Variants in BICRAL observed in about 807,000 individuals in gnomAD.
BICRAL encodes the protein BRD4-interacting chromatin-remodeling complex-associated protein-like.
BICRAL carries 8 observed loss-of-function variants against 91.8 expected under a neutral mutation model. The ratio of observed to expected loss-of-function variants is 0.09; its 90% CI spans 0.05 to 0.16. BICRAL has a LOEUF of 0.16. BICRAL is among the 10% of genes least tolerant of loss of function. BICRAL has a pLI of 1.00. For missense variants in BICRAL, 1,038 were observed against 1,310.9 expected, an observed-to-expected ratio of 0.79 and a Z score of 3.21; for synonymous variants, 445 against 491.1, an observed-to-expected ratio of 0.91 and a Z score of 1.24.
chr6:42,851,360 AAAT>A (rs1019678088), intron 6 of BICRAL, among the ~76,000 whole-genome samples: 30 of 152,236 alleles, frequency 2.0e-4, no homozygotes, highest in Admixed American at 1.5e-3. Context: ...TATGGCAAAA[AAAT>A]AATAATAATA....
At chr6:42,790,272 C>T (rs905737659) in intron 1 of BICRAL, among the ~76,000 whole-genome samples, 1 of 151,908 alleles carries the variant, frequency 6.6e-6, no homozygotes, top group Non-Finnish European at 1.5e-5. Context: ...ATTCCCCCAA[C>T]CTCAGCCTCC....
At chr6:42,754,223 G>A (rs954960200) in intron 1 of BICRAL, among the ~76,000 whole-genome samples, 1 of 151,476 alleles carries the variant, frequency 6.6e-6, no homozygotes, top group African/African-American at 2.4e-5. Context: ...CCAGGCTGGA[G>A]TGTAGTGGCA....
At chr6:42,788,664 T>C (rs570103713) in intron 1 of BICRAL, among the ~76,000 whole-genome samples, 8 of 152,322 alleles carry the variant, frequency 5.3e-5, no homozygotes, top group African/African-American at 1.7e-4. Context: ...CTTAACTTTC[T>C]GACGGCTTCT....
At position 42,793,756 on chromosome 6, in the gene BICRAL, A is replaced by G. The variant is rs902019483; in HGVS notation, c.-102+11655A>G. 3.4e-4 allele frequency among the ~76,000 whole-genome samples: 50 copies of G among 148,034 alleles called. 1 individual carries two copies. Among genetic ancestry groups the G allele is most frequent in the African/African-American group, 1.2e-3 (49 of 40,572 alleles). On this transcript the variant is annotated intron_variant, in intron 1 of 12. Transcript: ENST00000314073. ...GCGCTACTTCTATGCGTAGGCCTCAAGATGACTTTTTTTTTTTTTTTTTTT... is the reference window on the plus strand; with the variant it reads ...GCGCTACTTCTATGCGTAGGCCTCAGGATGACTTTTTTTTTTTTTTTTTTT...
chr6:42,753,699 C>G (rs1179587216), intron 1 of BICRAL, among the ~76,000 whole-genome samples: 1 of 152,108 alleles, frequency 6.6e-6, no homozygotes, highest in African/African-American at 2.4e-5. Flanking sequence ...GCAACCCCCG[C>G]CTCCTGGGTT....
At chr6:42,791,417 TGA>T (rs1289029437) in intron 1 of BICRAL, among the ~76,000 whole-genome samples, 1 of 152,232 alleles carries the variant, frequency 6.6e-6, no homozygotes, top group African/African-American at 2.4e-5. Context: ...TCTGAGAATG[TGA>T]GAGAATAAGA....
chr6:42,819,432 A>T lies in BICRAL; in HGVS notation c.-5-2586A>T, dbSNP rs189818035. On this transcript the variant is annotated intron_variant, in intron 2 of 12. Coordinates refer to ENST00000314073, the MANE Select transcript of BICRAL (RefSeq NM_001393499.1). ...TCCCGAGTAGCTGGGACTACAGGCA[A>T]GTGCCACCATGCCTGGCTAATTTTT... Among the ~76,000 whole-genome samples, 1,081 of 151,978 alleles carry T rather than the reference A, an allele frequency of 7.1e-3. 5 individuals are homozygous for T. Among genetic ancestry groups the T allele is most frequent in the African/African-American group, 0.023 (954 of 41,482 alleles).
Position 42,864,857 on chromosome 6 carries a change from ACAT to A in BICRAL, c.2653_2655del (p.Ile885del), listed in dbSNP as rs747910646. 6.2e-7 allele frequency: 1 copy of A among 1,614,148 alleles called. No individual in the cohort carries two copies. The highest frequency in any genetic ancestry group is 1.1e-5 in the South Asian group (1 of 91,084). On this transcript the variant is annotated inframe_deletion, in exon 13 of 13. Transcript: ENST00000314073. Reference sequence around the variant, plus strand: ...GACCAGTTTCATCTAGTGCCTAATCACATCGTGGTCTCTGCAGAAGGAAACATT... The same window carrying A: ...GACCAGTTTCATCTAGTGCCTAATCACGTGGTCTCTGCAGAAGGAAACATT...
In BICRAL at chr6:42,829,902, T is replaced by C; in HGVS notation, c.1569T>C (p.Pro523=). Residue 523 remains proline (P), a synonymous_variant, in exon 6 of 13, where the codon CCT becomes CCC. Coordinates refer to ENST00000314073, the MANE Select transcript of BICRAL (RefSeq NM_001393499.1). ...PGQSSVSQGR[P]GFATMPSVTS... The stretch of plus-strand genomic sequence containing the variant: ...AGAGCAGCGTTTCCCAAGGAAGACC[T>C]GGCTTCGCCACCATGCCATCGGTGA... 1 of 1,614,244 alleles carries C rather than the reference T, an allele frequency of 6.2e-7. No individual in the cohort carries two copies. Among genetic ancestry groups the C allele is most frequent in the Non-Finnish European group, 8.5e-7 (1 of 1,180,042 alleles).
chr6:42,764,042 G>A (rs547423661), intron 1 of BICRAL, among the ~76,000 whole-genome samples: 99 of 149,800 alleles, frequency 6.6e-4, no homozygotes, highest in Non-Finnish European at 1.1e-3. Flanking sequence ...AGGAGTTCAA[G>A]ACCAGCCTGG....
intron 1 of BICRAL, among the ~76,000 whole-genome samples, chr6:42,750,479 C>T (rs145191913): frequency 6.6e-6 from 1 of 152,188 alleles, no homozygotes; most frequent in Non-Finnish European, 1.5e-5. Context: ...CCTTTTAAGA[C>T]AGCCACATTG....
intron 1 of BICRAL, among the ~76,000 whole-genome samples, chr6:42,798,805 C>T (rs1390965857): frequency 6.6e-6 from 1 of 152,214 alleles, no homozygotes; most frequent in East Asian, 1.9e-4. Flanking sequence ...ATTACTGCTC[C>T]TTGCGGAGCG....
Position 42,763,837 on chromosome 6 carries a change from CAAACAAAAAAA to C in BICRAL, c.-261+16816_-261+16826del, listed in dbSNP as rs1476958023. Among the ~76,000 whole-genome samples the C allele has an allele frequency of 4.2e-5, 6 of 143,634 alleles. No homozygotes were observed. The South Asian group carries it at 1.1e-3, about 26-fold the overall frequency. 94.2% of individuals were successfully genotyped at this position (143,634 alleles called of 152,430 possible). On this transcript the variant is annotated intron_variant, in intron 1 of 14. Coordinates refer to the BICRAL transcript ENST00000614467. ...CTCTGTCTCAGAAAAAAACAAAAAA[CAAACAAAAAAA>C]ACGAGCGTTTTCAAAATGCAGGTAC...
rs750677769 is a variant in BICRAL, at chr6:42,864,836, A to G, written c.2630A>G (p.Gln877Arg). 27 of 1,614,084 alleles carry G rather than the reference A, an allele frequency of 1.7e-5. No individual in the cohort carries two copies. Among genetic ancestry groups the G allele is most frequent in the Non-Finnish European group, 2.3e-5 (27 of 1,180,026 alleles). The change falls in exon 13 of 13, where the codon CAG becomes CGG. Residue 877 changes from glutamine to arginine, a missense_variant. Gln to Arg is a conservative substitution (Grantham distance 43, BLOSUM62 1). Coordinates refer to ENST00000314073, the MANE Select transcript of BICRAL (RefSeq NM_001393499.1). ...GTGACGGAACCCATGAATCATGACC[A>G]GTTTCATCTAGTGCCTAATCACATC... ...TGVTEPMNHD[Q>R]FHLVPNHIVV...
rs189303786 is a variant in BICRAL, at chr6:42,847,682, T to G, written c.1840-4410T>G. Among the ~76,000 whole-genome samples, 11 of 152,238 alleles carry G rather than the reference T, an allele frequency of 7.2e-5. No homozygotes were observed. In the East Asian group the frequency reaches 2.1e-3, roughly 29 times the overall value. On this transcript the variant is annotated intron_variant, in intron 6 of 12. Coordinates refer to ENST00000314073, the MANE Select transcript of BICRAL (RefSeq NM_001393499.1). ...ACTCACACCTGTAATCCCAGCACTTTGGGAGGCCGAGGCAGGTGGATCATG... is the reference window on the plus strand; with the variant it reads ...ACTCACACCTGTAATCCCAGCACTTGGGGAGGCCGAGGCAGGTGGATCATG...
chr6:42,832,080 G>A (rs1215530673), intron 6 of BICRAL, among the ~76,000 whole-genome samples: 1 of 151,388 alleles, frequency 6.6e-6, no homozygotes, highest in African/African-American at 2.4e-5. Context: ...AGGAGCTGTG[G>A]TTCATGCCTG....
chr6:42,858,515 T>TAA (rs34689139), intron 10 of BICRAL, among the ~76,000 whole-genome samples: 142 of 113,310 alleles, frequency 1.3e-3, no homozygotes, highest in African/African-American at 2.5e-3. Flanking sequence ...GACTCTGTTT[T>TAA]AAAAAAAAAA....
intron 1 of BICRAL, among the ~76,000 whole-genome samples, chr6:42,783,734 T>G (rs1288142183): frequency 6.6e-6 from 1 of 152,162 alleles, no homozygotes. Context: ...AACCACTTGT[T>G]TGTGATGGAA....
At chr6:42,784,461 A>G (rs535602640) in intron 1 of BICRAL, among the ~76,000 whole-genome samples, 1 of 152,146 alleles carries the variant, frequency 6.6e-6, no homozygotes, top group South Asian at 2.1e-4. Flanking sequence ...CCTTGTGTTT[A>G]TAAATATACA....
Sources: allele counts gnomAD v4.1 joint callset (sites outside exome capture counted in the v4.1 genomes callset), GRCh38; gene constraint gnomAD v4.1.1; transcripts MANE v1.5; gene names NCBI Gene and HGNC (gene_info 2026-07-23, HGNC 2026-07-21).